Variants in UVRAG observed in about 807,000 individuals in gnomAD.
The protein encoded by UVRAG is UV radiation resistance associated.
Under a neutral mutation model 78.0 loss-of-function variants are expected in UVRAG, and 19 were observed. The observed-to-expected ratio is 0.24, with a 90% confidence interval of 0.17 to 0.36. UVRAG has a LOEUF of 0.36. UVRAG is among the 10% of genes least tolerant of loss of function. The pLI, the probability that UVRAG is intolerant of heterozygous loss-of-function variation, is 1.00. For synonymous variants in UVRAG, 323 were observed against 324.6 expected (o/e 1.00, Z 0.05); for missense variants, 740 against 853.8 (o/e 0.87, Z 1.66).
At chr11:76,068,916 C>T (rs561522061) in intron 13 of UVRAG, among the ~76,000 whole-genome samples, 1 of 152,292 alleles carries the variant, frequency 6.6e-6, no homozygotes, top group Admixed American at 6.5e-5. Flanking sequence ...GTGAACAAAT[C>T]ATACTATTAA....
chr11:75,837,013 C>G (rs1186611027), intron 1 of UVRAG, among the ~76,000 whole-genome samples: 1 of 152,124 alleles, frequency 6.6e-6, no homozygotes, highest in Non-Finnish European at 1.5e-5. Context: ...AGCCACCACC[C>G]TAATCCCCCA....
At chr11:76,004,767 G>A (rs1030073704) in intron 9 of UVRAG, among the ~76,000 whole-genome samples, 3 of 152,018 alleles carry the variant, frequency 2.0e-5, no homozygotes, top group Non-Finnish European at 4.4e-5. Context: ...TGGGATTACA[G>A]GTGTGAGCCA....
At chr11:75,816,304 CTT>C (rs964052137) in intron 1 of UVRAG, among the ~76,000 whole-genome samples, 5 of 152,198 alleles carry the variant, frequency 3.3e-5, no homozygotes, top group African/African-American at 1.2e-4. Flanking sequence ...TGACAAAACT[CTT>C]TGTTTCACTC....
chr11:75,965,603 C>T (rs1949005664), intron 7 of UVRAG, among the ~76,000 whole-genome samples: 1 of 152,202 alleles, frequency 6.6e-6, no homozygotes, highest in Non-Finnish European at 1.5e-5. Flanking sequence ...GCATGAGCCA[C>T]CGCGCCCGGC....
intron 5 of UVRAG, 34 bp from the exon 6 acceptor site, chr11:75,911,920 G>A: frequency 7.3e-7 from 1 of 1,378,734 alleles, no homozygotes; most frequent in Non-Finnish European, 1.0e-6. Flanking sequence ...TATTTTGTTT[G>A]GTTTTGATTA....
At chr11:75,843,292 A>G (rs1322621038) in intron 1 of UVRAG, among the ~76,000 whole-genome samples, 1 of 152,230 alleles carries the variant, frequency 6.6e-6, no homozygotes, top group East Asian at 1.9e-4. Flanking sequence ...CCCTACAGAA[A>G]TGATCATTTT....
At chr11:76,000,875 AATAG>A (rs1191932080) in intron 8 of UVRAG, among the ~76,000 whole-genome samples, 5 of 152,220 alleles carry the variant, frequency 3.3e-5, no homozygotes, top group African/African-American at 4.8e-5. Flanking sequence ...ATAAAGCAAA[AATAG>A]ATAGAACTGA....
At chr11:75,852,449 T>C (rs1248533240) in intron 2 of UVRAG, among the ~76,000 whole-genome samples, 1 of 152,184 alleles carries the variant, frequency 6.6e-6, no homozygotes, top group Admixed American at 6.6e-5. Flanking sequence ...TTTTATATAT[T>C]GTACTGTGGA....
At chr11:75,821,663 C>G (rs1319998147) in intron 1 of UVRAG, among the ~76,000 whole-genome samples, 1 of 152,110 alleles carries the variant, frequency 6.6e-6, no homozygotes, top group Non-Finnish European at 1.5e-5. Context: ...TGATGTCCTT[C>G]TTCCGTGCCA....
intron 13 of UVRAG, among the ~76,000 whole-genome samples, chr11:76,088,239 A>G (rs368626864): frequency 2.6e-5 from 4 of 152,272 alleles, no homozygotes; most frequent in African/African-American, 7.2e-5. Context: ...TAGCGCCCCT[A>G]TAGTAGTTTC....
chr11:75,826,551 G>A (rs1167780639), intron 1 of UVRAG, among the ~76,000 whole-genome samples: 1 of 152,170 alleles, frequency 6.6e-6, no homozygotes, highest in African/African-American at 2.4e-5. Flanking sequence ...GTATTTTAAC[G>A]TTCTCTTTAA....
intron 1 of UVRAG, 78 bp from the exon 2 acceptor site, chr11:75,851,804 AT>A (rs1216693046): frequency 3.7e-6 from 4 of 1,090,920 alleles, no homozygotes; most frequent in Admixed American, 4.0e-5. Context: ...ATTACATTTC[AT>A]TTTTGAACTG....
At chr11:75,905,555 T>C (rs1291312249) in intron 5 of UVRAG, among the ~76,000 whole-genome samples, 1 of 152,254 alleles carries the variant, frequency 6.6e-6, no homozygotes, top group Non-Finnish European at 1.5e-5. Context: ...TGTGACCTTT[T>C]GTTCTGGCTT....
At chr11:75,960,509 G>A (rs527823882) in intron 6 of UVRAG, among the ~76,000 whole-genome samples, 14 of 152,322 alleles carry the variant, frequency 9.2e-5, no homozygotes, top group African/African-American at 3.4e-4. Flanking sequence ...GCATAGGGCT[G>A]TAATCCTAGT....
chr11:75,960,243 C>A (rs1425733499), intron 6 of UVRAG, among the ~76,000 whole-genome samples: 1 of 149,968 alleles, frequency 6.7e-6, no homozygotes, highest in African/African-American at 2.5e-5. Flanking sequence ...ATCTATGAAG[C>A]ACAATAAAGC....
chr11:76,021,121 G>A (rs570392355), intron 12 of UVRAG, among the ~76,000 whole-genome samples: 4 of 152,310 alleles, frequency 2.6e-5, no homozygotes, highest in African/African-American at 7.2e-5. Context: ...AGCAATTCAA[G>A]TCTGTCTTTC....
At chr11:76,071,399 G>A (rs939835225) in intron 13 of UVRAG, among the ~76,000 whole-genome samples, 1 of 152,202 alleles carries the variant, frequency 6.6e-6, no homozygotes, top group Non-Finnish European at 1.5e-5. Context: ...GATGTGGCAG[G>A]AGTGTAGTAA....
intron 2 of UVRAG, among the ~76,000 whole-genome samples, chr11:75,852,834 ACAT>A (rs561476086): frequency 8.7e-4 from 132 of 152,344 alleles, no homozygotes; most frequent in Non-Finnish European, 1.7e-3. Flanking sequence ...ACAAAAGGTG[ACAT>A]CATTTTAACA....
chr11:76,095,629 A>C (rs1236648593), intron 13 of UVRAG, among the ~76,000 whole-genome samples: 3 of 151,356 alleles, frequency 2.0e-5, no homozygotes, highest in Non-Finnish European at 4.4e-5. Flanking sequence ...ATGCTTTGGG[A>C]GGCCAAAGTG....
Sources: gnomAD v4.1 joint callset for allele counts (sites outside exome capture counted in the v4.1 genomes callset) on GRCh38, gnomAD v4.1.1 for gene constraint, MANE v1.5 for transcripts, NCBI Gene and HGNC (gene_info 2026-07-23, HGNC 2026-07-21) for gene names.